PEAK1: variants seen among roughly 807,000 people sequenced by gnomAD.
PEAK1 encodes the protein inactive tyrosine-protein kinase PEAK1.
In PEAK1, 54 loss-of-function variants were observed where a neutral mutation model predicts 124.7. The ratio of observed to expected loss-of-function variants is 0.43; its 90% CI spans 0.35 to 0.54. The LOEUF is 0.54. PEAK1 is among the 20% of genes least tolerant of loss of function. PEAK1 has a pLI of 0.01. For missense variants in PEAK1, 2,046 were observed against 2,134.5 expected, an observed-to-expected ratio of 0.96 and a Z score of 0.82; for synonymous variants, 719 against 760.0, an observed-to-expected ratio of 0.95 and a Z score of 0.89.
intron 7 of PEAK1, among the ~76,000 whole-genome samples, chr15:77,167,856 T>C (rs1488437062): frequency 6.6e-6 from 1 of 152,218 alleles, no homozygotes; most frequent in Non-Finnish European, 1.5e-5. Flanking sequence ...TCATTTACAT[T>C]AGGTATTTCT....
rs2068967511 is a variant in PEAK1, at chr15:77,375,822, T to C, written c.-665-10597A>G. On this transcript the variant is annotated intron_variant, in intron 1 of 9. Coordinates refer to ENST00000682557, the MANE Select transcript of PEAK1 (RefSeq NM_001385026.1). ...CATCCTGGCTAACACGGTGAAACCC[T>C]GTCTCTACTAAAAAAAACAAAAACA... Among the ~76,000 whole-genome samples the C allele has an allele frequency of 7.9e-5, 12 of 152,026 alleles. No homozygotes were observed. In the South Asian group the frequency reaches 2.5e-3, roughly 32 times the overall value.
At chr15:77,382,372 T>A (rs562469152) in intron 1 of PEAK1, among the ~76,000 whole-genome samples, 1 of 152,332 alleles carries the variant, frequency 6.6e-6, no homozygotes, top group Non-Finnish European at 1.5e-5. Context: ...AGATCCCCAG[T>A]CTTTAACGTT....
chr15:77,368,062 C>A (rs1597463607), intron 1 of PEAK1, among the ~76,000 whole-genome samples: 1 of 152,248 alleles, frequency 6.6e-6, no homozygotes, highest in African/African-American at 2.4e-5. Flanking sequence ...TTTACCTAAT[C>A]TTCCTGAAAA....
chr15:77,417,560 G>A, intron 1 of PEAK1: 1 of 985,322 alleles, frequency 1.0e-6, no homozygotes, highest in Non-Finnish European at 1.2e-6. Context: ...TGAAAACAGG[G>A]ATTTGCAACA....
intron 2 of PEAK1, among the ~76,000 whole-genome samples, chr15:77,319,896 G>C (rs1449300861): frequency 1.3e-5 from 2 of 152,174 alleles, no homozygotes; most frequent in Non-Finnish European, 2.9e-5. Context: ...CATTTGCAAA[G>C]TGGGAAGCTG....
chr15:77,347,337 T>C (rs1031319373), intron 2 of PEAK1: 7 of 985,340 alleles, frequency 7.1e-6, no homozygotes, highest in Non-Finnish European at 7.2e-6. Context: ...AAAAAAAAGA[T>C]AAGCATGAGT....
At chr15:77,366,802 T>C (rs1479286258) in intron 1 of PEAK1, among the ~76,000 whole-genome samples, 2 of 152,026 alleles carry the variant, frequency 1.3e-5, no homozygotes, top group Non-Finnish European at 2.9e-5. Context: ...GCTCAAGCAA[T>C]CCACATGCCT....
chr15:77,320,476 T>C (rs543602815), intron 2 of PEAK1, among the ~76,000 whole-genome samples: 1 of 152,332 alleles, frequency 6.6e-6, no homozygotes, highest in Non-Finnish European at 1.5e-5. Flanking sequence ...CACTGTTTAC[T>C]AGAATCTTAC....
chr15:77,228,372 G>A (rs2059768871), intron 6 of PEAK1, among the ~76,000 whole-genome samples: 1 of 152,168 alleles, frequency 6.6e-6, no homozygotes, highest in African/African-American at 2.4e-5. Flanking sequence ...GGTCATCAAA[G>A]ATATGAGTTG....
intron 5 of PEAK1, among the ~76,000 whole-genome samples, chr15:77,264,426 T>C (rs537580903): frequency 7.2e-5 from 11 of 152,264 alleles, no homozygotes; most frequent in Non-Finnish European, 1.6e-4. Flanking sequence ...ACAAAATCAA[T>C]GTATAAAATC....
intron 7 of PEAK1, among the ~76,000 whole-genome samples, chr15:77,168,237 GCACACACACACACACA>G (rs113937076): frequency 1.4e-5 from 2 of 147,178 alleles, no homozygotes; most frequent in South Asian, 4.3e-4. Context: ...ATGTGCGCGC[GCACACACACACACACA>G]CACACACACA....
At chr15:77,203,105 G>C (rs993506117) in intron 6 of PEAK1, among the ~76,000 whole-genome samples, 1 of 151,836 alleles carries the variant, frequency 6.6e-6, no homozygotes, top group South Asian at 2.1e-4. Flanking sequence ...GTGGATCATT[G>C]TAAGGGTCTT....
intron 5 of PEAK1, among the ~76,000 whole-genome samples, chr15:77,266,895 G>T (rs1046307791): frequency 1.3e-5 from 2 of 151,972 alleles, no homozygotes; most frequent in Admixed American, 1.3e-4. Context: ...CTCTGAGTCA[G>T]CTTGTTTTCT....
chr15:77,262,040 T>G (rs1336655975), intron 5 of PEAK1, among the ~76,000 whole-genome samples: 2 of 152,042 alleles, frequency 1.3e-5, no homozygotes, highest in African/African-American at 4.8e-5. Context: ...AATAAAATAC[T>G]TTACAGACAA....
chr15:77,234,457 A>G, intron 6 of PEAK1, among the ~76,000 whole-genome samples: 1 of 152,298 alleles, frequency 6.6e-6, no homozygotes, highest in South Asian at 2.1e-4. Context: ...AAATAATTTA[A>G]TTTTTATAAA....
chr15:77,103,082 A>G (rs2050710591), exon 7 of PEAK1: 1 of 152,192 alleles, frequency 6.6e-6, no homozygotes, highest in African/African-American at 2.4e-5. Flanking sequence ...TATGTATGTT[A>G]TGTAATGCTA....
At chr15:77,135,791 C>T (rs2053272012) in intron 8 of PEAK1, among the ~76,000 whole-genome samples, 1 of 152,202 alleles carries the variant, frequency 6.6e-6, no homozygotes, top group Non-Finnish European at 1.5e-5. Context: ...CTTGCTCCTC[C>T]TTGCTCTCTG....
intron 2 of PEAK1, chr15:77,352,444 A>G: frequency 2.0e-6 from 2 of 985,370 alleles, no homozygotes; most frequent in Non-Finnish European, 2.4e-6. Flanking sequence ...CTAGGCCTGA[A>G]GGGGAGATGA....
In PEAK1 at chr15:77,207,670, A is replaced by G. The variant is rs148091398; in HGVS notation, c.-114-25630T>C. On this transcript the variant is annotated intron_variant, in intron 6 of 9. Coordinates refer to ENST00000682557, the MANE Select transcript of PEAK1 (RefSeq NM_001385026.1). ...AAAAAGATCAGTGGTTGCCAGGAAT[A>G]AGGGGGAACGGAGGAATGAATAGGT... Among the ~76,000 whole-genome samples the G allele has an allele frequency of 5.2e-3, 796 of 152,316 alleles. 6 individuals carry two copies. Among genetic ancestry groups the G allele is most frequent in the African/African-American group, 0.018 (730 of 41,572 alleles).
Sources: gnomAD v4.1 joint callset for allele counts (sites outside exome capture counted in the v4.1 genomes callset) on GRCh38, gnomAD v4.1.1 for gene constraint, MANE v1.5 for transcripts, NCBI Gene and HGNC (gene_info 2026-07-23, HGNC 2026-07-21) for gene names.